CYP4V2: variants seen among roughly 807,000 people sequenced by gnomAD.
CYP4V2 encodes cytochrome P450 4V2.
CYP4V2 carries 55 observed loss-of-function variants against 60.8 expected under a neutral mutation model. That is an observed-to-expected ratio of 0.90 (90% CI 0.73 to 1.13). CYP4V2 has a LOEUF of 1.13. CYP4V2 is among the 50% of genes most tolerant of loss of function. CYP4V2 has a pLI of 0.00. For synonymous variants in CYP4V2, 239 were observed against 236.8 expected (o/e 1.01, Z -0.08); for missense variants, 675 against 662.9 (o/e 1.02, Z -0.20).
Position 186,212,905 on chromosome 4 carries a change from C to T in CYP4V2, c.*2264C>T, listed in dbSNP as rs988727822. ...GAAAAAGTCAAGGAAGGAGGTGATA[C>T]AATTGGAAATATTCCCATCAAATGG... On this transcript the variant is annotated 3_prime_UTR_variant, in exon 11 of 11. Transcript: ENST00000378802. 6.6e-6 allele frequency: 1 copy of T among 152,072 alleles called. No homozygotes were observed. The highest frequency in any genetic ancestry group is 2.4e-5 in the African/African-American group (1 of 41,390). 9.4% of individuals were successfully genotyped at this position (152,072 alleles called of 1,614,324 possible).
At position 186,212,786 on chromosome 4, in the gene CYP4V2, G is replaced by C. The variant is rs1397330179; in HGVS notation, c.*2145G>C. Reference sequence around the variant, plus strand: ...CCATTTGGCAAGCCCTGTAGCCTGGGCCATTTAAGACAGGGGCGGTCTCAG... The same window carrying C: ...CCATTTGGCAAGCCCTGTAGCCTGGCCCATTTAAGACAGGGGCGGTCTCAG... On this transcript the variant is annotated 3_prime_UTR_variant, in exon 11 of 11. Coordinates refer to ENST00000378802, the MANE Select transcript of CYP4V2 (RefSeq NM_207352.4). 2 of 152,230 alleles carry C rather than the reference G, an allele frequency of 1.3e-5. No homozygotes were observed. Among genetic ancestry groups the C allele is most frequent in the Admixed American group, 6.5e-5 (1 of 15,292 alleles). 9.4% of individuals were successfully genotyped at this position (152,230 alleles called of 1,614,324 possible).
rs967480418 is a variant in CYP4V2 at position 186,195,065 on chromosome 4, C to T, written c.327+453C>T. Among the ~76,000 whole-genome samples, 14 of 152,062 alleles carry T rather than the reference C, an allele frequency of 9.2e-5. No individual in the cohort carries two copies. Among genetic ancestry groups the T allele is most frequent in the African/African-American group, 3.4e-4 (14 of 41,384 alleles). ...ATATTTATGGGATAAATATTACAAA[C>T]CCATGCTGTTGAAATTAGTCCTCCA... On this transcript the variant is annotated intron_variant, in intron 2 of 10. Transcript: ENST00000378802. The surrounding 1 kb of genome is among the most constrained non-coding windows in gnomAD (Gnocchi z 4.1).
intron 5 of CYP4V2, among the ~76,000 whole-genome samples, chr4:186,198,571 G>A (rs1736221052): frequency 6.6e-6 from 1 of 152,160 alleles, no homozygotes; most frequent in African/African-American, 2.4e-5. Flanking sequence ...GCAGCCAGTT[G>A]TCTTCTGTCA....
Position 186,197,542 on chromosome 4 carries a change from TGG to T in CYP4V2, c.617_618del (p.Gly206GlufsTer8). On this transcript the variant is annotated frameshift_variant, in exon 5 of 11. Transcript: ENST00000378802. LOFTEE classifies it high-confidence loss of function. ...CACCCATATTTTATAGAAACAGCTATGGGGAAGAATATTGGTGCTCAAAGTAA... is the reference window on the plus strand; with the variant it reads ...CACCCATATTTTATAGAAACAGCTATGGAAGAATATTGGTGCTCAAAGTAA... 1 of 1,614,218 alleles carries T rather than the reference TGG, an allele frequency of 6.2e-7. No individual in the cohort carries two copies. Among genetic ancestry groups the T allele is most frequent in the East Asian group, 2.2e-5 (1 of 44,890 alleles).
chr4:186,194,005 C>T (rs1277840560), intron 1 of CYP4V2, among the ~76,000 whole-genome samples: 2 of 152,194 alleles, frequency 1.3e-5, no homozygotes. Flanking sequence ...TCTGTCAGAC[C>T]AGACCAGGGC....
Position 186,209,205 on chromosome 4 carries a change from C to G in CYP4V2, c.1338C>G (p.Pro446=), listed in dbSNP as rs35524919. 497 of 1,614,054 alleles carry G rather than the reference C, an allele frequency of 3.1e-4. 2 individuals are homozygous for G. The African/African-American group carries it at 6.1e-3, about 20-fold the overall frequency. ...PEEFQPERFF[P]ENAQGRHPYA... Reference sequence around the variant, plus strand: ...AGTTCCAGCCTGAGCGGTTCTTCCCCGAGAATGCACAAGGGCGCCATCCAT... The same window carrying G: ...AGTTCCAGCCTGAGCGGTTCTTCCCGGAGAATGCACAAGGGCGCCATCCAT... Residue 446 remains proline (P), a synonymous_variant, in exon 10 of 11, where the codon CCC becomes CCG. Transcript: ENST00000378802.
rs974952244 is a variant in CYP4V2, at chr4:186,192,116, G to T, written c.214+79G>T. ...CCCTCCGATCAGCCAGGAACCCGCT[G>T]CTTGTGGCGCTGGCCGCAGGAGAGA... On this transcript the variant is annotated intron_variant, in intron 1 of 10. Transcript: ENST00000378802. 15 of 1,499,788 alleles carry T rather than the reference G, an allele frequency of 1.0e-5. No individual in the cohort carries two copies. The African/African-American group carries it at 1.9e-4, about 19-fold the overall frequency. The allele number at this position is 1,499,788 out of a possible 1,614,324, so 92.9% of individuals were successfully genotyped here.
At chr4:186,198,792 A>G (rs1160135276) in intron 5 of CYP4V2, among the ~76,000 whole-genome samples, 165 bp from the exon 6 acceptor site, 1 of 152,204 alleles carries the variant, frequency 6.6e-6, no homozygotes, top group East Asian at 1.9e-4. Context: ...GATGCGTAAT[A>G]GCCCATGCCT....
At position 186,199,150 on chromosome 4, in the gene CYP4V2, T is replaced by A. The variant is rs567980520; in HGVS notation, c.801+67T>A. The A allele has an allele frequency of 3.3e-6, 5 of 1,517,140 alleles. No homozygotes were observed. In the African/African-American group the frequency reaches 6.9e-5, roughly 21 times the overall value. 94.0% of individuals were successfully genotyped at this position (1,517,140 alleles called of 1,614,324 possible). Reference sequence around the variant, plus strand: ...CATAAAATTTCCCTTTATAACCATTTTAACTGTACAGTTTGGTGGTATTAA... The same window carrying A: ...CATAAAATTTCCCTTTATAACCATTATAACTGTACAGTTTGGTGGTATTAA... On this transcript the variant is annotated intron_variant, in intron 6 of 10. Transcript: ENST00000378802.
At chr4:186,208,060 C>G (rs1216397868) in intron 8 of CYP4V2, among the ~76,000 whole-genome samples, 1 of 151,590 alleles carries the variant, frequency 6.6e-6, no homozygotes, top group Non-Finnish European at 1.5e-5. Flanking sequence ...TCCACGTGTT[C>G]TTCTTTGAAG....
chr4:186,192,006 C>T lies in CYP4V2; in HGVS notation c.183C>T (p.Gly61=). Residue 61 remains glycine (G), a synonymous_variant, in exon 1 of 11, where the codon GGC becomes GGT. Transcript: ENST00000378802. Reference sequence around the variant, plus strand: ...TGGCCCGCGCCTACCCACTGGTGGGCCACGCGCTGCTGATGAAGCCGGACG... The same window carrying T: ...TGGCCCGCGCCTACCCACTGGTGGGTCACGCGCTGCTGATGAAGCCGGACG... ...PTVARAYPLV[G]HALLMKPDGR... The T allele has an allele frequency of 6.3e-7, 1 of 1,582,954 alleles. No homozygotes were observed. Among genetic ancestry groups the T allele is most frequent in the Non-Finnish European group, 8.6e-7 (1 of 1,169,514 alleles).
chr4:186,210,381 G>A (rs2126603301), intron 10 of CYP4V2, 88 bp from the exon 11 acceptor site: 1 of 1,559,274 alleles, frequency 6.4e-7, no homozygotes. Flanking sequence ...AAAATGTAAA[G>A]TGGCTCGCTT....
Position 186,212,130 on chromosome 4 carries a change from A to G in CYP4V2, c.*1489A>G, listed in dbSNP as rs1736743214. Reference sequence around the variant, plus strand: ...TTACCAGTTGGTGACAGAGCTGGAAATACGTAGAGATCTATACCCTTAAAT... The same window carrying G: ...TTACCAGTTGGTGACAGAGCTGGAAGTACGTAGAGATCTATACCCTTAAAT... On this transcript the variant is annotated 3_prime_UTR_variant, in exon 11 of 11. Coordinates refer to ENST00000378802, the MANE Select transcript of CYP4V2 (RefSeq NM_207352.4). 6.6e-6 allele frequency: 1 copy of G among 152,184 alleles called. No individual in the cohort carries two copies. The highest frequency in any genetic ancestry group is 1.5e-5 in the Non-Finnish European group (1 of 68,026). 9.4% of individuals were successfully genotyped at this position (152,184 alleles called of 1,614,324 possible).
chr4:186,206,539 T>G (rs1736511841), intron 8 of CYP4V2, among the ~76,000 whole-genome samples: 1 of 152,146 alleles, frequency 6.6e-6, no homozygotes, highest in Non-Finnish European at 1.5e-5. Flanking sequence ...ACAAGTGGTA[T>G]CTGATGCAGT....
intron 7 of CYP4V2, chr4:186,203,159 TTCATA>T (rs71871946): frequency 0.36 from 54,102 of 151,784 alleles, 9,980 homozygotes; most frequent in Non-Finnish European, 0.41. Context: ...CGTACACACA[TTCATA>T]TATGTGCACA....
intron 7 of CYP4V2, chr4:186,202,888 G>A (rs1262587153): frequency 6.8e-6 from 1 of 147,314 alleles, no homozygotes; most frequent in East Asian, 2.0e-4. Context: ...ACACATGCAT[G>A]CATACACATG....
At chr4:186,205,061 G>C in intron 7 of CYP4V2, 139 bp from the exon 8 acceptor site, 1 of 828,616 alleles carries the variant, frequency 1.2e-6, no homozygotes, top group Non-Finnish European at 2.0e-6. Flanking sequence ...GAGGCAAGGT[G>C]CTGCACAGAA....
Position 186,213,311 on chromosome 4 carries a change from G to C in CYP4V2, c.*2670G>C, listed in dbSNP as rs764544787. 1 of 152,164 alleles carries C rather than the reference G, an allele frequency of 6.6e-6. No homozygotes were observed. The highest frequency in any genetic ancestry group is 1.5e-5 in the Non-Finnish European group (1 of 68,032). The allele number at this position is 152,164 out of a possible 1,614,324, so 9.4% of individuals were successfully genotyped here. A position where few individuals can be genotyped will look rare whatever the true frequency, so the allele number is the denominator to read the frequency against. On this transcript the variant is annotated 3_prime_UTR_variant, in exon 11 of 11. Transcript: ENST00000378802. Reference sequence around the variant, plus strand: ...ATTACCTTTCCTCTGCCTGAAAGACGTGTCTCAAGAAAAATAAATTCTATT... The same window carrying C: ...ATTACCTTTCCTCTGCCTGAAAGACCTGTCTCAAGAAAAATAAATTCTATT...
intron 10 of CYP4V2, among the ~76,000 whole-genome samples, 193 bp from the exon 11 acceptor site, chr4:186,210,276 A>G (rs143578325): frequency 6.6e-6 from 1 of 152,294 alleles, no homozygotes; most frequent in East Asian, 1.9e-4. Context: ...CTCCCCAGCT[A>G]TAGATGTGCA....
Sources: gnomAD v4.1 joint callset for allele counts (sites outside exome capture counted in the v4.1 genomes callset) on GRCh38, gnomAD v4.1.1 for gene constraint, Gnocchi (gnomAD v3.1) non-coding constraint, MANE v1.5 for transcripts, NCBI Gene and HGNC (gene_info 2026-07-23, HGNC 2026-07-21) for gene names.